The following PRSS55 variants were observed in gnomAD, a reference collection of about 807,000 sequenced individuals.
PRSS55 encodes the protein probable serine protease UNQ9391/PRO34284.
A neutral mutation model predicts 23.6 loss-of-function variants in PRSS55; 41 were observed. That is an observed-to-expected ratio of 1.74 (90% CI 1.35 to 2.26). The LOEUF is 2.26. Ranked by LOEUF, PRSS55 falls within the 30% of genes most tolerant of loss-of-function variation. The pLI is 0.00. For synonymous variants in PRSS55, 262 were observed against 175.5 expected, an observed-to-expected ratio of 1.49 and a Z score of -3.90; for missense variants, 669 against 439.1, an observed-to-expected ratio of 1.52 and a Z score of -4.68.
At chr8:10,540,843 C>G (rs1395879818), downstream of PRSS55, 1 of 152,326 alleles carries the variant, frequency 6.6e-6, no homozygotes, top group Non-Finnish European at 1.5e-5. Flanking sequence ...GAACCTGGGA[C>G]TCAGGCAGGC....
chr8:10,525,562 G>C lies in PRSS55; in HGVS notation c.-24G>C, dbSNP rs775156177. 6.2e-6 allele frequency: 10 copies of C among 1,604,884 alleles called. No individual in the cohort carries two copies. Among genetic ancestry groups the C allele is most frequent in the Non-Finnish European group, 8.5e-6 (10 of 1,173,466 alleles). ...CTCAGCCCTGGCCTCTGTCACCCCC[G>C]GGCCCACAGCACAGCCCAGGGCCAT... On this transcript the variant is annotated 5_prime_UTR_variant, in exon 1 of 5. Coordinates refer to ENST00000328655, the MANE Select transcript of PRSS55 (RefSeq NM_198464.4).
intron 4 of PRSS55, among the ~76,000 whole-genome samples, chr8:10,533,768 G>A (rs1319462295): frequency 6.6e-6 from 1 of 152,190 alleles, no homozygotes. Flanking sequence ...CATTGGCCAG[G>A]CAGTGGACCT....
Position 10,525,558 on chromosome 8 carries a change from C to G in PRSS55, c.-28C>G. On this transcript the variant is annotated 5_prime_UTR_variant, in exon 1 of 5. Transcript: ENST00000328655. ...CTGCCTCAGCCCTGGCCTCTGTCAC[C>G]CCCGGGCCCACAGCACAGCCCAGGG... The G allele has an allele frequency of 6.2e-7, 1 of 1,603,992 alleles. No homozygotes were observed.
Position 10,532,919 on chromosome 8 carries a change from T to A in PRSS55, c.612T>A (p.Ser204=), listed in dbSNP as rs768640632. Residue 204 remains serine (S), a synonymous_variant, in exon 4 of 5, where the codon TCT becomes TCA. Transcript: ENST00000328655. ...TCTCTGGGCCAGCTGACAAAAACTC[T>A]GTGAAAACGGATCTGATGAAAGCGC... ...WGQTNAADKN[S]VKTDLMKAPM... is the part of the protein sequence containing the mutation. 1.2e-6 allele frequency: 2 copies of A among 1,614,180 alleles called. No individual in the cohort carries two copies. The highest frequency in any genetic ancestry group is 2.2e-5 in the South Asian group (2 of 91,078).
downstream of PRSS55, among the ~76,000 whole-genome samples, chr8:10,542,894 A>G (rs1176366754): frequency 3.4e-5 from 5 of 147,682 alleles, no homozygotes; most frequent in African/African-American, 7.6e-5. Context: ...AAAAAAAAAA[A>G]AAAGACAACC....
intron 4 of PRSS55, among the ~76,000 whole-genome samples, chr8:10,547,766 T>C (rs1225764447): frequency 7.3e-6 from 1 of 136,766 alleles, no homozygotes; most frequent in Non-Finnish European, 1.6e-5. Flanking sequence ...TGGTGGCTTG[T>C]TCCGGATCTG....
intron 3 of PRSS55, 66 bp downstream of exon 3, chr8:10,531,611 T>G: frequency 6.3e-7 from 1 of 1,585,644 alleles, no homozygotes; most frequent in Non-Finnish European, 8.6e-7. Context: ...GGGAGGAAGC[T>G]AAGGAAGGAG....
intron 4 of PRSS55, chr8:10,553,867 C>A: frequency 1.0e-6 from 1 of 962,894 alleles, no homozygotes; most frequent in Non-Finnish European, 1.5e-6. Flanking sequence ...ACAATGTATA[C>A]ATAAATCAAA....
At chr8:10,529,455 A>T (rs774861835) in intron 1 of PRSS55, 52 bp from the exon 2 acceptor site, 4 of 1,575,912 alleles carry the variant, frequency 2.5e-6, no homozygotes. Flanking sequence ...CTCACACTGG[A>T]TGCTGACTAA....
chr8:10,552,627 C>A (rs1358423322), intron 4 of PRSS55, among the ~76,000 whole-genome samples: 1 of 152,188 alleles, frequency 6.6e-6, no homozygotes, highest in African/African-American at 2.4e-5. Flanking sequence ...CCCGAATAGA[C>A]ATTTCTCAAA....
chr8:10,541,134 G>C (rs925457307), downstream of PRSS55: 4 of 152,322 alleles, frequency 2.6e-5, no homozygotes, highest in African/African-American at 9.7e-5. Context: ...ACTTCTGCTG[G>C]AGTTATCAGG....
intron 4 of PRSS55, among the ~76,000 whole-genome samples, 157 bp downstream of exon 4, chr8:10,533,205 A>G (rs1199411793): frequency 6.6e-6 from 1 of 152,248 alleles, no homozygotes; most frequent in African/African-American, 2.4e-5. Context: ...TGTGGATTTC[A>G]GATCCTCTGG....
At chr8:10,542,543 G>C (rs901991340), downstream of PRSS55, among the ~76,000 whole-genome samples, 5 of 152,060 alleles carry the variant, frequency 3.3e-5, no homozygotes, top group African/African-American at 1.2e-4. Flanking sequence ...TAGTTTTGTG[G>C]TGGGTAATTT....
downstream of PRSS55, among the ~76,000 whole-genome samples, chr8:10,543,669 T>C (rs142777875): frequency 5.4e-4 from 82 of 151,952 alleles, 1 homozygote; most frequent in East Asian, 0.016. Context: ...TATAAGCATT[T>C]ACAGCTAGAC....
downstream of PRSS55, among the ~76,000 whole-genome samples, chr8:10,542,798 G>A (rs1018828192): frequency 7.4e-5 from 11 of 148,454 alleles, no homozygotes; most frequent in Non-Finnish European, 1.5e-4. Context: ...GCTTGAACCC[G>A]GGAGGCGGAG....
chr8:10,553,401 T>A (rs536246072), intron 4 of PRSS55, among the ~76,000 whole-genome samples: 3 of 152,334 alleles, frequency 2.0e-5, no homozygotes, highest in African/African-American at 7.2e-5. Flanking sequence ...AACCTATGTG[T>A]CCATCAACAG....
chr8:10,538,622 G>A lies in PRSS55; in HGVS notation c.888G>A (p.Glu296=), dbSNP rs1467423831. Residue 296 remains glutamate (E), a synonymous_variant, in exon 5 of 5, where the codon GAG becomes GAA. Coordinates refer to ENST00000328655, the MANE Select transcript of PRSS55 (RefSeq NM_198464.4). Reference sequence around the variant, plus strand: ...TGGTGAACTACAACCTCTGGATCGAGAAAGTGACCCAGCTAGAGGGCAGGC... The same window carrying A: ...TGGTGAACTACAACCTCTGGATCGAAAAAGTGACCCAGCTAGAGGGCAGGC... ...TSLVNYNLWI[E]KVTQLEGRPF... The A allele has an allele frequency of 3.1e-6, 5 of 1,614,150 alleles. No homozygotes were observed. Among genetic ancestry groups the A allele is most frequent in the Non-Finnish European group, 3.4e-6 (4 of 1,180,022 alleles).
At chr8:10,544,468 ATC>A (rs1233621620) in intron 4 of PRSS55, among the ~76,000 whole-genome samples, 3 of 152,106 alleles carry the variant, frequency 2.0e-5, no homozygotes, top group Admixed American at 6.5e-5. Flanking sequence ...CAGTCTGACA[ATC>A]TCTGTCTTTT....
intron 4 of PRSS55, among the ~76,000 whole-genome samples, chr8:10,549,070 C>A (rs1480540585): frequency 6.6e-6 from 1 of 152,176 alleles, no homozygotes; most frequent in Non-Finnish European, 1.5e-5. Flanking sequence ...GCCCCTGGAG[C>A]CTGGAGCATT....
Sources: gnomAD v4.1 joint callset for allele counts (sites outside exome capture counted in the v4.1 genomes callset) on GRCh38, gnomAD v4.1.1 for gene constraint, MANE v1.5 for transcripts, NCBI Gene and HGNC (gene_info 2026-07-23, HGNC 2026-07-21) for gene names.